Variants in MYH15 observed in about 807,000 individuals in gnomAD.
MYH15 encodes myosin-15.
Under a neutral mutation model 240.5 loss-of-function variants are expected in MYH15, and 227 were observed. The ratio of observed to expected loss-of-function variants is 0.94; its 90% CI spans 0.85 to 1.05. The LOEUF (loss-of-function observed/expected upper bound fraction) is 1.05. Ranked by LOEUF, MYH15 falls within the 50% of genes least tolerant of loss-of-function variation. MYH15 has a pLI of 0.00. For synonymous variants in MYH15, 785 were observed against 796.7 expected, an observed-to-expected ratio of 0.99 and a Z score of 0.25; for missense variants, 2,217 against 2,247.5, an observed-to-expected ratio of 0.99 and a Z score of 0.27.
intron 15 of MYH15, among the ~76,000 whole-genome samples, chr3:108,463,994 CTGT>C (rs1328449588): frequency 6.6e-6 from 1 of 151,904 alleles, no homozygotes; most frequent in Non-Finnish European, 1.5e-5. Flanking sequence ...TGGTATTTTA[CTGT>C]ATATATCATT....
chr3:108,421,076 A>T lies in MYH15; in HGVS notation c.3829+12T>A, dbSNP rs757274425. On this transcript the variant is annotated intron_variant, in intron 28 of 40. Coordinates refer to ENST00000693548, the MANE Select transcript of MYH15 (RefSeq NM_014981.3). ...GAGAATTGCCTATGAGTCAAGCAGCATACTTACTTACCACTCTCACTCCAC... is the reference window on the plus strand; with the variant it reads ...GAGAATTGCCTATGAGTCAAGCAGCTTACTTACTTACCACTCTCACTCCAC... 1 of 1,613,754 alleles carries T rather than the reference A, an allele frequency of 6.2e-7. No individual in the cohort carries two copies. Among genetic ancestry groups the T allele is most frequent in the African/African-American group, 1.3e-5 (1 of 74,936 alleles).
chr3:108,484,999 A>C, intron 11 of MYH15, 92 bp downstream of exon 11: 1 of 1,350,380 alleles, frequency 7.4e-7, no homozygotes, highest in South Asian at 1.5e-5. Context: ...GATTAATTTT[A>C]AGTAAGAGAT....
Position 108,410,673 on chromosome 3 carries a change from G to A in MYH15, c.4405C>T (p.Leu1469Phe). The A allele has an allele frequency of 6.2e-7, 1 of 1,614,172 alleles. No homozygotes were observed. The highest frequency in any genetic ancestry group is 1.1e-5 in the South Asian group (1 of 91,080). ...LDASQKEVQA[L>F]STELLKLKNT... The stretch of plus-strand genomic sequence containing the variant: ...TTGAGCTTGAGGAGCTCTGTACTGA[G>A]AGCCTGAACTTCCTTCTGAGAGGCA... The change falls in exon 31 of 41, where the codon CTC (leucine) becomes TTC (phenylalanine). Residue 1469 changes from leucine to phenylalanine, a missense_variant. Physicochemically the swap from Leu to Phe is conservative, Grantham distance 22. Coordinates refer to ENST00000693548, the MANE Select transcript of MYH15 (RefSeq NM_014981.3).
At position 108,428,727 on chromosome 3, in the gene MYH15, G is replaced by A. The variant is rs1041348549; in HGVS notation, c.3467C>T (p.Thr1156Ile). 16 of 1,613,768 alleles carry A rather than the reference G, an allele frequency of 9.9e-6. No individual in the cohort carries two copies. The highest frequency in any genetic ancestry group is 5.0e-5 in the Admixed American group (3 of 59,976). Reference protein sequence around the residue: ...GGSSLAQLEITKKQETKFQKL... With the variant: ...GGSSLAQLEIIKKQETKFQKL... ...CTGGAATTTGGTTTCCTGTTTCTTA[G>A]TTATTTCCAGCTGAGCCAAACTGGA... is the stretch of plus-strand genomic sequence containing the variant. The change falls in exon 27 of 41, where the codon ACT becomes ATT. Residue 1156 changes from threonine to isoleucine, a missense_variant. Physicochemically the swap from Thr to Ile is moderately conservative, Grantham distance 89. Coordinates refer to ENST00000693548, the MANE Select transcript of MYH15 (RefSeq NM_014981.3).
intron 25 of MYH15, among the ~76,000 whole-genome samples, chr3:108,434,110 ATTTAATATTAAATATTGT>A (rs2082808257): frequency 1.9e-4 from 3 of 16,206 alleles, no homozygotes; most frequent in African/African-American, 1.1e-3. Flanking sequence ...TTAAATATGT[ATTTAATATTAAATATTGT>A]TGTATTTAAT....
chr3:108,483,931 G>A (rs1388711334), intron 11 of MYH15, among the ~76,000 whole-genome samples: 1 of 152,164 alleles, frequency 6.6e-6, no homozygotes, highest in Non-Finnish European at 1.5e-5. Flanking sequence ...AGGGGATAAT[G>A]GGGAGTTTTG....
chr3:108,501,889 CCT>C (rs1292308662), intron 2 of MYH15, 34 bp from the exon 3 acceptor site: 3 of 1,601,440 alleles, frequency 1.9e-6, no homozygotes, highest in Non-Finnish European at 2.6e-6. Context: ...GATATATTCC[CCT>C]GTCTCCTATG....
intron 37 of MYH15, among the ~76,000 whole-genome samples, 199 bp from the exon 38 acceptor site, chr3:108,389,273 T>C (rs1034839991): frequency 2.6e-5 from 4 of 152,206 alleles, no homozygotes; most frequent in Admixed American, 6.5e-5. Flanking sequence ...AAAAGAACTA[T>C]TTAGACTGAA....
intron 19 of MYH15, among the ~76,000 whole-genome samples, chr3:108,456,440 C>G (rs2083020240): frequency 1.3e-5 from 2 of 152,184 alleles, no homozygotes; most frequent in Admixed American, 6.5e-5. Context: ...CCACAGCCTG[C>G]TTGGATAGCA....
intron 25 of MYH15, among the ~76,000 whole-genome samples, chr3:108,433,989 G>A (rs947391833): frequency 1.3e-5 from 2 of 151,892 alleles, no homozygotes; most frequent in African/African-American, 4.8e-5. Context: ...TAGCTGTAGA[G>A]TTTCATTTTC....
rs897154062 is a variant in MYH15 at position 108,501,694 on chromosome 3, G to A, written c.339+18C>T. 6.2e-7 allele frequency: 1 copy of A among 1,613,608 alleles called. No individual in the cohort carries two copies. Among genetic ancestry groups the A allele is most frequent in the Non-Finnish European group, 8.5e-7 (1 of 1,179,614 alleles). On this transcript the variant is annotated intron_variant, in intron 3 of 40. Coordinates refer to ENST00000693548, the MANE Select transcript of MYH15 (RefSeq NM_014981.3). ...TGACTGCCAACATGACAGTTTAGCA[G>A]GAAAGCATATTACACACATAGATCA...
In MYH15 at chr3:108,496,349, C is replaced by T. The variant is rs77587268; in HGVS notation, c.619-477G>A. On this transcript the variant is annotated intron_variant, in intron 6 of 40. Coordinates refer to ENST00000693548, the MANE Select transcript of MYH15 (RefSeq NM_014981.3). ...TTTTCCTAAGTAATCTAGAGGTTCA[C>T]ATGAGTAGTGACTTTTAATAGTATT... Among the ~76,000 whole-genome samples, 424 of 152,282 alleles carry T rather than the reference C, an allele frequency of 2.8e-3. 2 individuals carry two copies. The highest frequency in any genetic ancestry group is 9.5e-3 in the African/African-American group (396 of 41,578).
intron 36 of MYH15, among the ~76,000 whole-genome samples, chr3:108,392,278 T>TA (rs2082428077): frequency 6.6e-6 from 1 of 152,334 alleles, no homozygotes; most frequent in South Asian, 2.1e-4. Flanking sequence ...GATTATTGAA[T>TA]AAAGTAACCG....
Position 108,394,049 on chromosome 3 carries a change from G to C in MYH15, c.5241C>G (p.Ala1747=), listed in dbSNP as rs1402702113. ...VQECQNAEEK[A]KKAAIEAANL... ...GACCCACCTCAATGGCTGCCTTCTT[G>C]GCCTTCTCTTCTGCATTTTGACACT... The change falls in exon 36 of 41, where the codon GCC becomes GCG. Residue 1747 remains alanine, a synonymous_variant. Coordinates refer to ENST00000693548, the MANE Select transcript of MYH15 (RefSeq NM_014981.3). The C allele has an allele frequency of 5.0e-6, 8 of 1,613,874 alleles. No homozygotes were observed. The highest frequency in any genetic ancestry group is 6.8e-6 in the Non-Finnish European group (8 of 1,179,976).
At chr3:108,516,731 C>T (rs9871682) in intron 1 of MYH15, among the ~76,000 whole-genome samples, 2,921 of 152,208 alleles carry the variant, frequency 0.019, 105 homozygotes, top group African/African-American at 0.067. Flanking sequence ...TTTATTTATA[C>T]GCAGCTTATT....
intron 18 of MYH15, among the ~76,000 whole-genome samples, chr3:108,458,960 A>G (rs866946478): frequency 7.9e-5 from 12 of 152,294 alleles, no homozygotes; most frequent in South Asian, 2.1e-4. Context: ...TTTATGGTCA[A>G]TTTAGATAAC....
chr3:108,465,700 G>C (rs2083109711), intron 14 of MYH15, among the ~76,000 whole-genome samples: 1 of 152,168 alleles, frequency 6.6e-6, no homozygotes, highest in Non-Finnish European at 1.5e-5. Flanking sequence ...GCTGAGGCGG[G>C]CAGATCACCT....
intron 27 of MYH15, among the ~76,000 whole-genome samples, chr3:108,424,548 T>C (rs552676768): frequency 3.3e-5 from 5 of 152,262 alleles, no homozygotes; most frequent in Non-Finnish European, 4.4e-5. Context: ...AAATGATGCA[T>C]AAAAATGCTG....
At chr3:108,419,082 G>T (rs1444899179) in intron 28 of MYH15, among the ~76,000 whole-genome samples, 1 of 152,122 alleles carries the variant, frequency 6.6e-6, no homozygotes, top group Admixed American at 6.5e-5. Context: ...GGATTCTGAA[G>T]AAATATAAAT....
Sources: gnomAD v4.1 joint callset for allele counts (sites outside exome capture counted in the v4.1 genomes callset) on GRCh38, gnomAD v4.1.1 for gene constraint, MANE v1.5 for transcripts, NCBI Gene and HGNC (gene_info 2026-07-23, HGNC 2026-07-21) for gene names.